The following C16orf46 variants were observed in gnomAD, a reference collection of about 807,000 sequenced individuals.
The protein encoded by C16orf46 is chromosome 16 open reading frame 46, also known as uncharacterized protein C16orf46.
A neutral mutation model predicts 5.5 loss-of-function variants in C16orf46; 7 were observed. The observed-to-expected ratio is 1.28, with a 90% CI of 0.73 to 2.40. The LOEUF (loss-of-function observed/expected upper bound fraction) is 2.40, where lower values mean the gene tolerates loss of function less well. Among genes scored for constraint, C16orf46 ranks in the 30% most tolerant of loss-of-function variants. C16orf46 has a pLI of 0.00. For missense variants in C16orf46, 614 were observed against 476.0 expected (o/e 1.29, Z -2.70); for synonymous variants, 200 against 184.1 (o/e 1.09, Z -0.70).
At chr16:81,063,168 A>C (rs1057002738) in intron 3 of C16orf46, among the ~76,000 whole-genome samples, 1 of 149,864 alleles carries the variant, frequency 6.7e-6, no homozygotes, top group Non-Finnish European at 1.5e-5. Flanking sequence ...GCTTGAACTC[A>C]GGAGGCAGAG....
At chr16:81,065,368 G>C (rs1971623505) in intron 2 of C16orf46, among the ~76,000 whole-genome samples, 2 of 151,728 alleles carry the variant, frequency 1.3e-5, no homozygotes, top group African/African-American at 4.8e-5. Flanking sequence ...CGGCTACTCA[G>C]GAGGCTGTGG....
intron 1 of C16orf46, among the ~76,000 whole-genome samples, chr16:81,072,513 T>C (rs1455077711): frequency 6.6e-6 from 1 of 151,722 alleles, no homozygotes; most frequent in East Asian, 1.9e-4. Flanking sequence ...GCCTCCCAAG[T>C]AGCTGGGATT....
chr16:81,068,753 G>A (rs1288740711), intron 1 of C16orf46, among the ~76,000 whole-genome samples: 3 of 151,938 alleles, frequency 2.0e-5, no homozygotes, highest in Non-Finnish European at 2.9e-5. Flanking sequence ...CCATGCTGGA[G>A]TGCAGTGCCA....
Position 81,061,066 on chromosome 16 carries a change from G to A in C16orf46, c.*95C>T. 3 of 1,326,678 alleles carry A rather than the reference G, an allele frequency of 2.3e-6. No individual in the cohort carries two copies. Among genetic ancestry groups the A allele is most frequent in the Non-Finnish European group, 3.1e-6 (3 of 977,166 alleles). 82.2% of individuals were successfully genotyped at this position (1,326,678 alleles called of 1,614,324 possible). ...CAGACTGACGGGGAGGAGAGAAAGA[G>A]AGAGTGGGGGGTGGGTGGGAAATGA... On this transcript the variant is annotated 3_prime_UTR_variant, in exon 4 of 4. Coordinates refer to ENST00000299578, the MANE Select transcript of C16orf46 (RefSeq NM_152337.3).
chr16:81,062,560 AC>A (rs1370527549), intron 3 of C16orf46, among the ~76,000 whole-genome samples: 1 of 152,282 alleles, frequency 6.6e-6, no homozygotes, highest in Non-Finnish European at 1.5e-5. Context: ...TACTTGTCCC[AC>A]CAACAAGGAT....
In C16orf46 at chr16:81,073,446, C is replaced by T. The variant is rs776845025; in HGVS notation, c.-128+3690G>A. ...CTTCTAGAATGTTCCTGAAAGATAA[C>T]GTGGTAGGCAGAATTCTACAAATTC... is the stretch of plus-strand genomic sequence containing the variant. On this transcript the variant is annotated intron_variant, in intron 1 of 3. Coordinates refer to ENST00000299578, the MANE Select transcript of C16orf46 (RefSeq NM_152337.3). Among the ~76,000 whole-genome samples, 18 of 152,180 alleles carry T rather than the reference C, an allele frequency of 1.2e-4. 1 individual carries two copies. The highest frequency in any genetic ancestry group is 4.1e-4 in the African/African-American group (17 of 41,446).
chr16:81,075,896 A>G (rs1281152185), intron 1 of C16orf46, among the ~76,000 whole-genome samples: 1 of 152,202 alleles, frequency 6.6e-6, no homozygotes, highest in East Asian at 1.9e-4. Flanking sequence ...GTTTATGTCA[A>G]AAGCAGATAG....
intron 3 of C16orf46, 113 bp downstream of exon 3, chr16:81,063,633 T>G (rs1303252238): frequency 1.2e-6 from 1 of 854,452 alleles, no homozygotes; most frequent in Non-Finnish European, 1.8e-6. Flanking sequence ...GGTTTCTACA[T>G]GTCATTGATT....
chr16:81,076,071 G>A (rs1972030705), intron 1 of C16orf46, among the ~76,000 whole-genome samples: 1 of 152,166 alleles, frequency 6.6e-6, no homozygotes, highest in Admixed American at 6.5e-5. Context: ...TTGAATGAAC[G>A]TTCCTGTGGG....
intron 1 of C16orf46, among the ~76,000 whole-genome samples, chr16:81,067,893 T>C (rs910112833): frequency 1.3e-5 from 2 of 152,042 alleles, no homozygotes; most frequent in Admixed American, 6.6e-5. Context: ...CAAGGACTTA[T>C]TGAAAGAAAA....
rs1567572950 is a variant in C16orf46 at position 81,061,261 on chromosome 16, C to G, written c.1088G>C (p.Arg363Thr). ...HVLPKAKQEN[R>T]PQMLETKVFP... is the part of the protein sequence containing the mutation. ...AACTTTGGTCTCCAGCATTTGGGGC[C>G]TGTTTTCCTGCTTGGCCTTTGGGAG... The change falls in exon 4 of 4, where the codon AGG (arginine) becomes ACG (threonine). Residue 363 changes from arginine (R) to threonine (T), a missense_variant. Coordinates refer to ENST00000299578, the MANE Select transcript of C16orf46 (RefSeq NM_152337.3). 6.2e-7 allele frequency: 1 copy of G among 1,614,110 alleles called. No homozygotes were observed. The highest frequency in any genetic ancestry group is 1.1e-5 in the South Asian group (1 of 91,084).
chr16:81,071,837 G>A (rs768750107), intron 1 of C16orf46, among the ~76,000 whole-genome samples: 1 of 152,186 alleles, frequency 6.6e-6, no homozygotes, highest in Non-Finnish European at 1.5e-5. Context: ...AGGAAGGTGA[G>A]GAACGTTCCG....
downstream of C16orf46, among the ~76,000 whole-genome samples, chr16:81,058,995 G>A (rs1470911292): frequency 6.6e-6 from 1 of 152,160 alleles, no homozygotes; most frequent in African/African-American, 2.4e-5. Flanking sequence ...AATGATCCCT[G>A]ATTCCCATGC....
At position 81,070,232 on chromosome 16, in the gene C16orf46, C is replaced by T; in HGVS notation, c.-127-3951G>A. ...TTAAAGAAGAAGTTGTAAGACTGCA[C>T]TGATGAATACTGAGATGATATAAAT... On this transcript the variant is annotated intron_variant, in intron 1 of 3. Transcript: ENST00000299578. 1.3e-5 allele frequency among the ~76,000 whole-genome samples: 2 copies of T among 152,102 alleles called. 1 individual carries two copies.
chr16:81,065,100 G>GT (rs1369626264), intron 2 of C16orf46, among the ~76,000 whole-genome samples: 1 of 152,176 alleles, frequency 6.6e-6, no homozygotes, highest in African/African-American at 2.4e-5. Flanking sequence ...CCAAAGAGCT[G>GT]AACAGTTCCA....
intron 1 of C16orf46, among the ~76,000 whole-genome samples, chr16:81,068,381 C>A (rs1971721123): frequency 6.6e-6 from 1 of 152,022 alleles, no homozygotes; most frequent in South Asian, 2.1e-4. Context: ...AAACTGAGAA[C>A]AATGAACGTA....
At chr16:81,072,719 T>C (rs1236595788) in intron 1 of C16orf46, among the ~76,000 whole-genome samples, 1 of 151,092 alleles carries the variant, frequency 6.6e-6, no homozygotes, top group African/African-American at 2.4e-5. Flanking sequence ...TTTATGTTTT[T>C]GAGACAGAGT....
At chr16:81,064,746 CAAAA>C (rs35014883) in intron 2 of C16orf46, among the ~76,000 whole-genome samples, 10 of 122,234 alleles carry the variant, frequency 8.2e-5, no homozygotes, top group Non-Finnish European at 1.2e-4. Context: ...GACTCTGTCT[CAAAA>C]AAAAAAAAAA....
chr16:81,069,409 C>T (rs1373282860), intron 1 of C16orf46, among the ~76,000 whole-genome samples: 1 of 152,204 alleles, frequency 6.6e-6, no homozygotes, highest in African/African-American at 2.4e-5. Context: ...AGGCTGCCTG[C>T]GTCGTTGGAA....
Sources: gnomAD v4.1 joint callset for allele counts (sites outside exome capture counted in the v4.1 genomes callset) on GRCh38, gnomAD v4.1.1 for gene constraint, MANE v1.5 for transcripts, NCBI Gene and HGNC (gene_info 2026-07-23, HGNC 2026-07-21) for gene names.